DAP3: variants seen among roughly 807,000 people sequenced by gnomAD.
DAP3 encodes the protein death associated protein 3.
DAP3 carries 28 observed loss-of-function variants against 51.9 expected under a neutral mutation model. The ratio of observed to expected loss-of-function variants is 0.54; its 90% CI spans 0.40 to 0.74. The LOEUF (loss-of-function observed/expected upper bound fraction) is 0.74, where lower values mean the gene tolerates loss of function less well. Ranked by LOEUF, DAP3 falls within the 30% of genes least tolerant of loss-of-function variation. The pLI is 0.00. For missense variants in DAP3, 458 were observed against 483.5 expected (o/e 0.95, Z 0.49); for synonymous variants, 170 against 170.3 (o/e 1.00, Z 0.01).
At chr1:155,700,181 C>T (rs549318896) in intron 1 of DAP3, among the ~76,000 whole-genome samples, 8 of 152,296 alleles carry the variant, frequency 5.3e-5, no homozygotes, top group South Asian at 4.1e-4. Flanking sequence ...ATGATCTGCC[C>T]GCCTTGGCCT....
At position 155,717,066 on chromosome 1, in the gene DAP3, C is replaced by T; in HGVS notation, c.106C>T (p.Leu36=). ...GGCTCGCCAAAGCATTGCTGCTCAC[C>T]TAGATAACCAGGTTCCAGTTGAGAG... ...TQARQSIAAH[L]DNQVPVESPR... The change falls in exon 3 of 13, where the codon CTA becomes TTA. Residue 36 remains leucine, a synonymous_variant. Transcript: ENST00000368336. The T allele has an allele frequency of 6.2e-7, 1 of 1,614,130 alleles. No individual in the cohort carries two copies. Among genetic ancestry groups the T allele is most frequent in the South Asian group, 1.1e-5 (1 of 91,086 alleles).
At chr1:155,730,260 C>G (rs190516346) in intron 9 of DAP3, among the ~76,000 whole-genome samples, 18 of 129,856 alleles carry the variant, frequency 1.4e-4, no homozygotes, top group Admixed American at 9.2e-4. Context: ...TATATATGCA[C>G]ACATACATAT....
chr1:155,688,728 G>T (rs951236395), upstream of DAP3: 3 of 1,517,166 alleles, frequency 2.0e-6, no homozygotes, highest in African/African-American at 4.2e-5. Context: ...CGCCCGCACG[G>T]CCACCAACCG....
At chr1:155,708,490 T>C (rs934176654) in intron 1 of DAP3, among the ~76,000 whole-genome samples, 16 of 152,048 alleles carry the variant, frequency 1.1e-4, no homozygotes, top group African/African-American at 3.9e-4. Context: ...TTTCGCAGCC[T>C]ATTTAACATT....
At chr1:155,733,568 A>G (rs1194366743) in intron 11 of DAP3, among the ~76,000 whole-genome samples, 1 of 152,082 alleles carries the variant, frequency 6.6e-6, no homozygotes, top group African/African-American at 2.4e-5. Flanking sequence ...GCCGGGTGTG[A>G]TGGCTCACGT....
At chr1:155,718,325 G>C (rs1657559567) in intron 3 of DAP3, among the ~76,000 whole-genome samples, 1 of 152,122 alleles carries the variant, frequency 6.6e-6, no homozygotes, top group Admixed American at 6.5e-5. Context: ...GGCAGAAGTT[G>C]CAGTGAGCCA....
At chr1:155,705,933 T>A (rs187289634) in intron 1 of DAP3, among the ~76,000 whole-genome samples, 60 of 152,232 alleles carry the variant, frequency 3.9e-4, no homozygotes, top group Admixed American at 3.4e-3. Flanking sequence ...ACTCCTGAGC[T>A]CAGGCAGTCC....
At chr1:155,726,284 AATTT>A in intron 6 of DAP3, 1 of 182,890 alleles carries the variant, frequency 5.5e-6, no homozygotes. Flanking sequence ...ACGCCCAGCT[AATTT>A]TTTTTTTTTT....
intron 11 of DAP3, 89 bp from the exon 12 acceptor site, chr1:155,736,857 A>G (rs1659859144): frequency 2.8e-6 from 3 of 1,065,170 alleles, no homozygotes; most frequent in South Asian, 2.5e-5. Flanking sequence ...AAAAACAAAT[A>G]CCTTACCTTC....
intron 1 of DAP3, among the ~76,000 whole-genome samples, chr1:155,699,672 G>A (rs1654940905): frequency 6.6e-6 from 1 of 152,008 alleles, no homozygotes; most frequent in African/African-American, 2.4e-5. Flanking sequence ...GGAGTGCAGT[G>A]GTGTGATCAT....
At chr1:155,702,167 A>G (rs866455767) in intron 1 of DAP3, among the ~76,000 whole-genome samples, 114 of 148,782 alleles carry the variant, frequency 7.7e-4, no homozygotes, top group South Asian at 3.5e-3. Flanking sequence ...AAAAAAAAAA[A>G]AAAGAAAATT....
At chr1:155,716,058 G>A (rs905652285) in intron 2 of DAP3, among the ~76,000 whole-genome samples, 1 of 152,156 alleles carries the variant, frequency 6.6e-6, no homozygotes, top group Admixed American at 6.6e-5. Context: ...ACCATTCATC[G>A]CTGTGCAAGC....
chr1:155,688,653 G>A, upstream of DAP3: 8 of 1,533,950 alleles, frequency 5.2e-6, no homozygotes, highest in South Asian at 8.4e-5. Context: ...AGGCCCTCAC[G>A]CGTACCTTCA....
chr1:155,725,342 C>A, intron 4 of DAP3, 40 bp from the exon 5 acceptor site: 1 of 1,582,322 alleles, frequency 6.3e-7, no homozygotes, highest in Non-Finnish European at 8.7e-7. Context: ...CCCACTCCTT[C>A]CACACCCACC....
At chr1:155,718,983 T>C (rs529183590) in intron 3 of DAP3, among the ~76,000 whole-genome samples, 1 of 152,300 alleles carries the variant, frequency 6.6e-6, no homozygotes, top group South Asian at 2.1e-4. Context: ...ATGGCAAGAA[T>C]TGTCTTTGCT....
In DAP3 at chr1:155,725,846, A is replaced by G. The variant is rs1426771278; in HGVS notation, c.380-81A>G. The G allele has an allele frequency of 4.9e-6, 7 of 1,420,322 alleles. 1 individual carries two copies. In the Admixed American group the frequency reaches 5.6e-5, roughly 11 times the overall value. The allele number at this position is 1,420,322 out of a possible 1,614,324, so 88.0% of individuals were successfully genotyped here. On this transcript the variant is annotated intron_variant, in intron 5 of 12. Coordinates refer to ENST00000368336, the MANE Select transcript of DAP3 (RefSeq NM_004632.4). ...GCCACTGCACTCCAACCCCATCTCA[A>G]AAAAACAAAACAAAGCATAACTACT...
At chr1:155,728,962 T>G in intron 7 of DAP3, 80 bp from the exon 8 acceptor site, 1 of 1,426,294 alleles carries the variant, frequency 7.0e-7, no homozygotes, top group Non-Finnish European at 9.7e-7. Context: ...AACCTTAGCC[T>G]CCAACCTTTT....
chr1:155,688,621 C>T, upstream of DAP3: 21 of 1,534,764 alleles, frequency 1.4e-5, no homozygotes, highest in Non-Finnish European at 1.8e-5. Context: ...CCCCTCAGAC[C>T]CTGTCAAGCC....
At chr1:155,705,757 A>G (rs953363436) in intron 1 of DAP3, among the ~76,000 whole-genome samples, 8 of 151,808 alleles carry the variant, frequency 5.3e-5, no homozygotes, top group African/African-American at 1.9e-4. Context: ...CTGGCATGCA[A>G]TGGCGCAATC....
Sources: allele counts gnomAD v4.1 joint callset (sites outside exome capture counted in the v4.1 genomes callset), GRCh38; gene constraint gnomAD v4.1.1; transcripts MANE v1.5; gene names NCBI Gene and HGNC (gene_info 2026-07-23, HGNC 2026-07-21).